PTPRG: variants seen among roughly 807,000 people sequenced by gnomAD.
PTPRG encodes the protein protein tyrosine phosphatase receptor type G.
PTPRG carries 102 observed loss-of-function variants against 165.3 expected under a neutral mutation model. That is an observed-to-expected ratio of 0.62 (90% CI 0.53 to 0.73). The LOEUF is 0.73. Ranked by LOEUF, PTPRG falls within the 30% of genes least tolerant of loss-of-function variation. PTPRG has a pLI of 0.00. For missense variants in PTPRG, 1,866 were observed against 1,861.4 expected, an observed-to-expected ratio of 1.00 and a Z score of -0.05; for synonymous variants, 675 against 669.5, an observed-to-expected ratio of 1.01 and a Z score of -0.13.
intron 2 of PTPRG, among the ~76,000 whole-genome samples, chr3:61,815,898 C>G (rs2035748589): frequency 6.6e-6 from 1 of 152,186 alleles, no homozygotes; most frequent in African/African-American, 2.4e-5. Context: ...ATGGACCTCT[C>G]ATTATTTTCA....
At chr3:61,676,443 C>G (rs559690347) in intron 1 of PTPRG, among the ~76,000 whole-genome samples, 921 of 28,720 alleles carry the variant, frequency 0.032, 6 homozygotes, top group Admixed American at 0.069. Flanking sequence ...GGCGACAGAG[C>G]CAGACTCCAT....
chr3:62,215,945 C>T (rs537615810), intron 12 of PTPRG, among the ~76,000 whole-genome samples: 27 of 152,144 alleles, frequency 1.8e-4, no homozygotes, highest in Non-Finnish European at 3.1e-4. Context: ...ATGCTGGGCG[C>T]GGTGGCTCAC....
chr3:61,699,558 T>C (rs1450698050), intron 1 of PTPRG, among the ~76,000 whole-genome samples: 2 of 152,204 alleles, frequency 1.3e-5, no homozygotes, highest in Non-Finnish European at 2.9e-5. Context: ...TTCTTTGTCA[T>C]CTTTTTTTCT....
At chr3:61,797,280 C>G (rs748258133) in intron 2 of PTPRG, among the ~76,000 whole-genome samples, 43 of 152,112 alleles carry the variant, frequency 2.8e-4, no homozygotes, top group Non-Finnish European at 1.8e-4. Context: ...TCGGAATATA[C>G]TTTTCATTGA....
chr3:61,661,809 G>A (rs1702676661), intron 1 of PTPRG, among the ~76,000 whole-genome samples: 1 of 152,190 alleles, frequency 6.6e-6, no homozygotes. Context: ...GTTGAAATGT[G>A]TGGCAAAGAG....
intron 1 of PTPRG, among the ~76,000 whole-genome samples, chr3:61,606,574 C>G (rs1701014875): frequency 1.3e-5 from 2 of 152,204 alleles, no homozygotes; most frequent in Admixed American, 1.3e-4. Context: ...GTTGTTATAA[C>G]AAAATATCTG....
chr3:62,207,819 C>A (rs1273181962), intron 12 of PTPRG, among the ~76,000 whole-genome samples: 1 of 152,050 alleles, frequency 6.6e-6, no homozygotes, highest in Non-Finnish European at 1.5e-5. Context: ...CCTACAGAAA[C>A]CAGTTAATAC....
intron 12 of PTPRG, among the ~76,000 whole-genome samples, chr3:62,215,700 TCTCA>T (rs1233690016): frequency 6.6e-6 from 1 of 152,100 alleles, no homozygotes; most frequent in Non-Finnish European, 1.5e-5. Flanking sequence ...TGCTGGTGGT[TCTCA>T]CTTTTTCTGG....
intron 4 of PTPRG, 129 bp from the exon 5 acceptor site, chr3:62,078,034 A>T: frequency 1.6e-6 from 1 of 621,854 alleles, no homozygotes; most frequent in Non-Finnish European, 2.8e-6. Context: ...AAGGAAAAAT[A>T]TGAACAGGTG....
intron 1 of PTPRG, among the ~76,000 whole-genome samples, chr3:61,732,552 A>G (rs903117105): frequency 2.0e-5 from 3 of 148,528 alleles, no homozygotes; most frequent in Admixed American, 1.3e-4. Flanking sequence ...TACTAAAAAT[A>G]CAAAAAATTA....
intron 6 of PTPRG, among the ~76,000 whole-genome samples, chr3:62,144,959 C>T (rs1704065567): frequency 6.6e-6 from 1 of 151,900 alleles, no homozygotes; most frequent in Non-Finnish European, 1.5e-5. Flanking sequence ...ATTATGGGAA[C>T]CCAGGGAAAT....
chr3:61,582,072 A>ATCC (rs1165754242), intron 1 of PTPRG, among the ~76,000 whole-genome samples: 2 of 151,916 alleles, frequency 1.3e-5, no homozygotes, highest in Non-Finnish European at 2.9e-5. Context: ...GGCTCAAGCC[A>ATCC]TCCTCCCATC....
At chr3:62,072,607 A>G (rs1559780567) in intron 4 of PTPRG, among the ~76,000 whole-genome samples, 1 of 142,776 alleles carries the variant, frequency 7.0e-6, no homozygotes, top group Non-Finnish European at 1.5e-5. Context: ...TTGAGAATAT[A>G]TATGTGTATG....
intron 2 of PTPRG, among the ~76,000 whole-genome samples, chr3:61,830,868 C>G (rs910653551): frequency 6.6e-6 from 1 of 152,172 alleles, no homozygotes; most frequent in Non-Finnish European, 1.5e-5. Flanking sequence ...GCCACTGCGC[C>G]CTGCCGATGG....
chr3:61,865,832 C>CTT (rs969256764), intron 2 of PTPRG, among the ~76,000 whole-genome samples: 2 of 152,192 alleles, frequency 1.3e-5, no homozygotes, highest in African/African-American at 4.8e-5. Flanking sequence ...TTGTGCTGCT[C>CTT]TTTATTTTCT....
At chr3:61,938,656 G>T (rs546684428) in intron 2 of PTPRG, among the ~76,000 whole-genome samples, 1 of 152,148 alleles carries the variant, frequency 6.6e-6, no homozygotes, top group African/African-American at 2.4e-5. Context: ...TTTCACTTAA[G>T]GTGCGGTCAG....
chr3:62,224,202 C>T lies in PTPRG; in HGVS notation c.2288+5219C>T, dbSNP rs1447917473. ...AACCCCAGGAAACAACTCTGAAGCC[C>T]AGTGGCCAGCCTCATTAATTCCAGG... is the stretch of plus-strand genomic sequence containing the variant. On this transcript the variant is annotated intron_variant, in intron 13 of 29. Transcript: ENST00000474889. This position sits in a 1 kb window ranked among gnomAD's most constrained non-coding sequence, Gnocchi z 4.9. Among the ~76,000 whole-genome samples, 1 of 152,162 alleles carries T rather than the reference C, an allele frequency of 6.6e-6. No homozygotes were observed. Among genetic ancestry groups the T allele is most frequent in the African/African-American group, 2.4e-5 (1 of 41,422 alleles).
chr3:61,893,628 A>T (rs186213799), intron 2 of PTPRG, among the ~76,000 whole-genome samples: 32 of 152,252 alleles, frequency 2.1e-4, no homozygotes, highest in African/African-American at 6.5e-4. Context: ...TCATCTAATG[A>T]GGTATGTTTT....
intron 1 of PTPRG, among the ~76,000 whole-genome samples, chr3:61,698,041 A>T (rs2030712681): frequency 6.6e-6 from 1 of 152,154 alleles, no homozygotes. Flanking sequence ...ATTCTTCATC[A>T]AACATAGGCA....
Sources: allele counts gnomAD v4.1 joint callset (sites outside exome capture counted in the v4.1 genomes callset), GRCh38; gene constraint gnomAD v4.1.1; non-coding constraint Gnocchi (gnomAD v3.1); transcripts MANE v1.5; gene names NCBI Gene and HGNC (gene_info 2026-07-23, HGNC 2026-07-21).